Variants in NLGN1 observed in about 807,000 individuals in gnomAD.
NLGN1 encodes the protein neuroligin-1.
In NLGN1, 12 loss-of-function variants were observed where a neutral mutation model predicts 65.5. The observed-to-expected ratio is 0.18, with a 90% CI of 0.12 to 0.30. NLGN1 has a LOEUF of 0.30. Ranked by LOEUF, NLGN1 falls within the 10% of genes least tolerant of loss-of-function variation. The pLI, the probability that NLGN1 is intolerant of heterozygous loss-of-function variation, is 1.00. For synonymous variants in NLGN1, 350 were observed against 359.5 expected, an observed-to-expected ratio of 0.97 and a Z score of 0.30; for missense variants, 750 against 1,007.1, an observed-to-expected ratio of 0.74 and a Z score of 3.46.
Position 174,139,549 on chromosome 3 carries a change from G to C in NLGN1, c.647-135766G>C, listed in dbSNP as rs147666013. 3.2e-3 allele frequency among the ~76,000 whole-genome samples: 490 copies of C among 151,740 alleles called. 12 individuals are homozygous for C. In the South Asian group the frequency reaches 0.051, roughly 16 times the overall value. On this transcript the variant is annotated intron_variant, in intron 4 of 6. Coordinates refer to ENST00000457714, the Ensembl canonical transcript of NLGN1. ...GACATCTTGCTTACTTCCAAGTTTT[G>C]GCAATTATGAATAAAGATACTATAT...
chr3:173,596,085 C>T (rs554328168), intron 2 of NLGN1, among the ~76,000 whole-genome samples: 1 of 152,292 alleles, frequency 6.6e-6, no homozygotes, highest in South Asian at 2.1e-4. Flanking sequence ...TCAGGTGTTA[C>T]TCCTTGTTAT....
intron 4 of NLGN1, among the ~76,000 whole-genome samples, chr3:173,996,946 G>A (rs185195083): frequency 2.6e-5 from 4 of 152,182 alleles, no homozygotes; most frequent in African/African-American, 9.6e-5. Flanking sequence ...TTAACAGGGC[G>A]TAATATAAAT....
At chr3:174,287,413 ATAAAT>A (rs1349542832), downstream of NLGN1, among the ~76,000 whole-genome samples, 4 of 151,572 alleles carry the variant, frequency 2.6e-5, no homozygotes, top group East Asian at 1.9e-4. Flanking sequence ...TGGGCACCTA[ATAAAT>A]TAAACAGTTA....
chr3:174,124,208 T>G (rs1464621191), intron 4 of NLGN1, among the ~76,000 whole-genome samples: 1 of 152,120 alleles, frequency 6.6e-6, no homozygotes, highest in Non-Finnish European at 1.5e-5. Flanking sequence ...TAATTTTTGT[T>G]GTTTAAGCTA....
chr3:173,447,311 T>C (rs1720553237), intron 2 of NLGN1, among the ~76,000 whole-genome samples: 1 of 152,226 alleles, frequency 6.6e-6, no homozygotes, highest in South Asian at 2.1e-4. Context: ...GCACCATTTA[T>C]TAAATAGGGA....
intron 4 of NLGN1, among the ~76,000 whole-genome samples, chr3:174,011,647 C>T (rs1252592100): frequency 6.6e-6 from 1 of 152,002 alleles, no homozygotes; most frequent in Admixed American, 6.6e-5. Context: ...TCTCTGAAAC[C>T]GTGGGGCCCT....
chr3:173,508,227 T>TA (rs1262854873), intron 2 of NLGN1, among the ~76,000 whole-genome samples: 1 of 152,214 alleles, frequency 6.6e-6, no homozygotes, highest in African/African-American at 2.4e-5. Flanking sequence ...ATGTTAGTGT[T>TA]ATGATTAGCA....
chr3:174,222,901 CT>C (rs1158033897), intron 4 of NLGN1, among the ~76,000 whole-genome samples: 2 of 152,170 alleles, frequency 1.3e-5, no homozygotes, highest in East Asian at 3.9e-4. Context: ...GAAAATATAA[CT>C]TTTTTCTTTC....
chr3:173,617,341 C>T (rs1560058454), intron 3 of NLGN1, among the ~76,000 whole-genome samples: 1 of 152,158 alleles, frequency 6.6e-6, no homozygotes, highest in East Asian at 1.9e-4. Flanking sequence ...GTTTCTCTTG[C>T]TCACTGCTAT....
At chr3:174,142,902 C>T (rs1190096489) in intron 4 of NLGN1, among the ~76,000 whole-genome samples, 3 of 152,102 alleles carry the variant, frequency 2.0e-5, no homozygotes, top group South Asian at 2.1e-4. Context: ...GTACAGGAGG[C>T]ATGGTGATTG....
intron 4 of NLGN1, among the ~76,000 whole-genome samples, chr3:174,134,353 A>T (rs73186537): frequency 0.14 from 21,872 of 152,154 alleles, 1,841 homozygotes; most frequent in East Asian, 0.22. Context: ...AGCATGACCC[A>T]TCTTATTTGG....
chr3:174,138,521 G>A (rs959355975), intron 4 of NLGN1, among the ~76,000 whole-genome samples: 17 of 146,608 alleles, frequency 1.2e-4, no homozygotes, highest in Middle Eastern at 3.5e-3. Context: ...TACAAGCTCC[G>A]CCTCCCAGGT....
chr3:173,842,882 G>T (rs1042242999), intron 4 of NLGN1, among the ~76,000 whole-genome samples: 3 of 152,180 alleles, frequency 2.0e-5, no homozygotes, highest in Non-Finnish European at 4.4e-5. Flanking sequence ...AGTGCCCTAG[G>T]ATGGACTCTG....
intron 3 of NLGN1, among the ~76,000 whole-genome samples, chr3:173,606,766 C>T (rs1445751258): frequency 6.6e-6 from 1 of 151,960 alleles, no homozygotes; most frequent in Non-Finnish European, 1.5e-5. Flanking sequence ...ATTTAACCTT[C>T]ATTCTTTATT....
intron 2 of NLGN1, among the ~76,000 whole-genome samples, chr3:173,529,660 G>A (rs975457428): frequency 1.3e-5 from 2 of 152,174 alleles, no homozygotes; most frequent in Admixed American, 6.5e-5. Context: ...GCTGAATGCC[G>A]TGGGAAATGC....
At chr3:173,753,501 A>T (rs935855098) in intron 3 of NLGN1, among the ~76,000 whole-genome samples, 1 of 152,138 alleles carries the variant, frequency 6.6e-6, no homozygotes, top group African/African-American at 2.4e-5. Flanking sequence ...TTCAAAATAT[A>T]TCTGGAATAG....
chr3:173,560,801 C>T (rs1742603815), intron 2 of NLGN1, among the ~76,000 whole-genome samples: 2 of 152,048 alleles, frequency 1.3e-5, no homozygotes, highest in Admixed American at 1.3e-4. Flanking sequence ...ATCTGGAAAA[C>T]CCTTTTTGAG....
chr3:174,236,251 C>A (rs1561356350), intron 4 of NLGN1, among the ~76,000 whole-genome samples: 1 of 152,022 alleles, frequency 6.6e-6, no homozygotes, highest in Non-Finnish European at 1.5e-5. Flanking sequence ...TTACTCGAAC[C>A]TATTATCCAA....
chr3:173,534,299 C>T (rs1264723016), intron 2 of NLGN1, among the ~76,000 whole-genome samples: 1 of 152,076 alleles, frequency 6.6e-6, no homozygotes, highest in Non-Finnish European at 1.5e-5. Context: ...ATAGTGTTTT[C>T]ACTTTATCTT....
Sources: allele counts gnomAD v4.1 joint callset (sites outside exome capture counted in the v4.1 genomes callset), GRCh38; gene constraint gnomAD v4.1.1; transcripts MANE v1.5; gene names NCBI Gene and HGNC (gene_info 2026-07-23, HGNC 2026-07-21).